The following ASIC2 variants were observed in gnomAD, a reference collection of about 807,000 sequenced individuals.
ASIC2 encodes the protein acid-sensing ion channel 2.
ASIC2 carries 25 observed loss-of-function variants against 57.3 expected under a neutral mutation model. That is an observed-to-expected ratio of 0.44 (90% CI 0.32 to 0.61). The LOEUF (loss-of-function observed/expected upper bound fraction) is 0.61, where lower values mean the gene tolerates loss of function less well. Ranked by LOEUF, ASIC2 falls within the 20% of genes least tolerant of loss-of-function variation. ASIC2 has a pLI of 0.06. For missense variants in ASIC2, 641 were observed against 738.1 expected, an observed-to-expected ratio of 0.87 and a Z score of 1.52; for synonymous variants, 319 against 307.5, an observed-to-expected ratio of 1.04 and a Z score of -0.39.
chr17:33,994,515 T>C (rs894236352), intron 1 of ASIC2, among the ~76,000 whole-genome samples: 6 of 152,200 alleles, frequency 3.9e-5, no homozygotes, highest in Non-Finnish European at 8.8e-5. Flanking sequence ...ATTGCCTCTT[T>C]CCCTAAGTGA....
intron 1 of ASIC2, among the ~76,000 whole-genome samples, chr17:34,029,396 A>T (rs9894612): frequency 0.01 from 1,475 of 147,306 alleles, 23 homozygotes; most frequent in African/African-American, 0.035. Context: ...AAAAAAAAAT[A>T]GTAAAATTTA....
intron 1 of ASIC2, among the ~76,000 whole-genome samples, chr17:33,633,648 C>T (rs1231730436): frequency 6.6e-6 from 1 of 152,236 alleles, no homozygotes; most frequent in African/African-American, 2.4e-5. Flanking sequence ...GTTTCCTTCT[C>T]CCTATGCACA....
chr17:33,130,401 T>C (rs141599563), intron 1 of ASIC2, among the ~76,000 whole-genome samples: 4 of 152,026 alleles, frequency 2.6e-5, no homozygotes, highest in Non-Finnish European at 4.4e-5. Flanking sequence ...GTACAAGGGG[T>C]TCATTAAACT....
chr17:33,768,419 G>T (rs1191196485), intron 1 of ASIC2, among the ~76,000 whole-genome samples: 1 of 152,118 alleles, frequency 6.6e-6, no homozygotes, highest in East Asian at 1.9e-4. Flanking sequence ...CTTAAAGAGA[G>T]AATTTATTTT....
chr17:33,840,456 T>C (rs1365060773), intron 1 of ASIC2, among the ~76,000 whole-genome samples: 1 of 152,246 alleles, frequency 6.6e-6, no homozygotes, highest in African/African-American at 2.4e-5. Context: ...CAGCACCGTA[T>C]ACTCTGGGAA....
At chr17:34,095,188 G>A (rs2142091719) in intron 1 of ASIC2, among the ~76,000 whole-genome samples, 1 of 152,294 alleles carries the variant, frequency 6.6e-6, no homozygotes, top group Middle Eastern at 3.4e-3. Flanking sequence ...CAAACCCTGG[G>A]AGACCATCAG....
At chr17:33,180,188 A>G (rs1905922034) in intron 1 of ASIC2, among the ~76,000 whole-genome samples, 1 of 152,194 alleles carries the variant, frequency 6.6e-6, no homozygotes, top group Non-Finnish European at 1.5e-5. Flanking sequence ...TTGGCCAACA[A>G]TGGTTCTATT....
chr17:33,625,171 C>CTATCTATCTATT lies in ASIC2; in HGVS notation c.556-513105_556-513104insAATAGATAGATA, dbSNP rs1171154899. 4.8e-3 allele frequency among the ~76,000 whole-genome samples: 725 copies of CTATCTATCTATT among 151,952 alleles called. 1 individual carries two copies. Among genetic ancestry groups the CTATCTATCTATT allele is most frequent in the South Asian group, 0.018 (86 of 4,802 alleles). On this transcript the variant is annotated intron_variant, in intron 1 of 9. Coordinates refer to the ASIC2 transcript ENST00000359872. ...TCTATCTATCTATCTATCTATCTAT[C>CTATCTATCTATT]TATCATCTATTATCTATCTATTATC...
chr17:33,634,213 C>T (rs1485099520), intron 1 of ASIC2, among the ~76,000 whole-genome samples: 1 of 152,232 alleles, frequency 6.6e-6, no homozygotes, highest in Non-Finnish European at 1.5e-5. Flanking sequence ...TCTGACAGTG[C>T]CATAGGGCTG....
At chr17:33,712,278 C>G (rs1007591917) in intron 1 of ASIC2, among the ~76,000 whole-genome samples, 6 of 152,196 alleles carry the variant, frequency 3.9e-5, no homozygotes, top group African/African-American at 1.4e-4. Flanking sequence ...TTGCAAGACG[C>G]TGTAGCTTTT....
chr17:33,461,795 A>G lies in ASIC2; in HGVS notation c.556-349728T>C, dbSNP rs536381478. ...CATTGGCTTATCTGTTTGAATAAGC[A>G]CACACACATGACTAGATATTAAAGG... On this transcript the variant is annotated intron_variant, in intron 1 of 9. Coordinates refer to the ASIC2 transcript ENST00000359872. Among the ~76,000 whole-genome samples, 6 of 152,258 alleles carry G rather than the reference A, an allele frequency of 3.9e-5. No homozygotes were observed. In the South Asian group the frequency reaches 1.2e-3, roughly 32 times the overall value.
At chr17:34,051,803 A>G (rs1406728940) in intron 1 of ASIC2, 1 of 151,998 alleles carries the variant, frequency 6.6e-6, no homozygotes, top group Non-Finnish European at 1.5e-5. Flanking sequence ...ATTCTAAAAT[A>G]ATTAGAATTT....
Position 33,956,920 on chromosome 17 carries a change from C to T in ASIC2, c.555+199058G>A, listed in dbSNP as rs186611150. On this transcript the variant is annotated intron_variant, in intron 1 of 9. Transcript: ENST00000359872. ...GACAGTTGCCTACCTCTGCAAGTAG[C>T]GAGGCTTCTGTAGAGAGGCAGGGGA... Among the ~76,000 whole-genome samples the T allele has an allele frequency of 7.9e-5, 12 of 152,352 alleles. No individual in the cohort carries two copies. The East Asian group carries it at 1.9e-3, about 25-fold the overall frequency.
intron 1 of ASIC2, among the ~76,000 whole-genome samples, chr17:33,836,617 G>T (rs1212024365): frequency 6.6e-6 from 1 of 152,154 alleles, no homozygotes; most frequent in Non-Finnish European, 1.5e-5. Flanking sequence ...CACTCTGGGA[G>T]GCTAAGGCAG....
chr17:33,565,187 T>C (rs1916196219), intron 1 of ASIC2, among the ~76,000 whole-genome samples: 1 of 152,172 alleles, frequency 6.6e-6, no homozygotes. Flanking sequence ...CCTCCAACTC[T>C]GTCCTGCAGG....
At chr17:33,487,543 AG>A (rs1913613512) in intron 1 of ASIC2, among the ~76,000 whole-genome samples, 1 of 152,168 alleles carries the variant, frequency 6.6e-6, no homozygotes, top group Non-Finnish European at 1.5e-5. Flanking sequence ...CAGCTCCTAT[AG>A]GTTTGTTGTG....
chr17:33,466,616 C>G (rs1912873346), intron 1 of ASIC2, among the ~76,000 whole-genome samples: 1 of 152,104 alleles, frequency 6.6e-6, no homozygotes, highest in African/African-American at 2.4e-5. Context: ...CTACAGTAAC[C>G]AAAACAGCAT....
At chr17:34,034,314 C>A (rs1441460720) in intron 1 of ASIC2, among the ~76,000 whole-genome samples, 2 of 152,156 alleles carry the variant, frequency 1.3e-5, no homozygotes, top group East Asian at 1.9e-4. Context: ...TTCAACAACC[C>A]TTCATGCTAA....
rs1310469817 is a variant in ASIC2 at position 33,301,935 on chromosome 17, G to A, written c.556-189868C>T. 2.0e-5 allele frequency among the ~76,000 whole-genome samples: 3 copies of A among 152,226 alleles called. No homozygotes were observed. The East Asian group carries it at 5.8e-4, about 29-fold the overall frequency. Reference sequence around the variant, plus strand: ...GGATCTGAGACAGGCAGAGGCAACAGCAGCACAGCTTCTCCTTCAGATGTC... The same window carrying A: ...GGATCTGAGACAGGCAGAGGCAACAACAGCACAGCTTCTCCTTCAGATGTC... On this transcript the variant is annotated intron_variant, in intron 1 of 9. Coordinates refer to the ASIC2 transcript ENST00000359872.
Sources: gnomAD v4.1 joint callset for allele counts (sites outside exome capture counted in the v4.1 genomes callset) on GRCh38, gnomAD v4.1.1 for gene constraint, MANE v1.5 for transcripts, NCBI Gene and HGNC (gene_info 2026-07-23, HGNC 2026-07-21) for gene names.